Variants in KIF26B observed in about 807,000 individuals in gnomAD.
KIF26B encodes kinesin-like protein KIF26B.
In KIF26B, 63 loss-of-function variants were observed where a neutral mutation model predicts 151.2. The observed-to-expected ratio is 0.42, with a 90% CI of 0.34 to 0.51. The LOEUF (loss-of-function observed/expected upper bound fraction) is 0.51. Among genes scored for constraint, KIF26B ranks in the 20% least tolerant of loss-of-function variants. KIF26B has a pLI of 0.07. For missense variants in KIF26B, 2,813 were observed against 2,913.6 expected (o/e 0.97, Z 0.79); for synonymous variants, 1,357 against 1,262.1 (o/e 1.08, Z -1.59).
At chr1:245,465,201 A>G (rs1486650222) in intron 4 of KIF26B, among the ~76,000 whole-genome samples, 1 of 152,124 alleles carries the variant, frequency 6.6e-6, no homozygotes, top group Non-Finnish European at 1.5e-5. Context: ...GATGGTCTCC[A>G]TCTCCTGACC....
chr1:245,179,310 G>A (rs896803922), intron 2 of KIF26B, among the ~76,000 whole-genome samples: 9 of 152,178 alleles, frequency 5.9e-5, no homozygotes, highest in African/African-American at 2.2e-4. Flanking sequence ...CACTTTCTCT[G>A]TGTTAAATAC....
At chr1:245,393,620 G>A (rs2103023534) in intron 3 of KIF26B, among the ~76,000 whole-genome samples, 1 of 152,308 alleles carries the variant, frequency 6.6e-6, no homozygotes, top group East Asian at 1.9e-4. Flanking sequence ...GTGGTGACTT[G>A]AAGAAGCCAT....
rs895721839 is a variant in KIF26B at position 245,560,688 on chromosome 1, C to T, written c.1350+19738C>T. Among the ~76,000 whole-genome samples, 1 of 152,152 alleles carries T rather than the reference C, an allele frequency of 6.6e-6. No individual in the cohort carries two copies. Among genetic ancestry groups the T allele is most frequent in the Non-Finnish European group, 1.5e-5 (1 of 68,018 alleles). ...CAAACCTGTCAACCTGTCAGTCTCT[C>T]CCCTCTCACGGAAGCCTGACATGTA... On this transcript the variant is annotated intron_variant, in intron 5 of 14. Coordinates refer to ENST00000407071, the MANE Select transcript of KIF26B (RefSeq NM_018012.4). This position sits in a 1 kb window ranked among gnomAD's most constrained non-coding sequence, Gnocchi z 4.3.
chr1:245,258,750 G>C (rs918404128), intron 2 of KIF26B, among the ~76,000 whole-genome samples: 17 of 151,968 alleles, frequency 1.1e-4, no homozygotes, highest in African/African-American at 3.4e-4. Flanking sequence ...CAGCATGGTG[G>C]GGGGGCATGA....
chr1:245,471,577 CAAT>C (rs774157874), intron 4 of KIF26B, among the ~76,000 whole-genome samples: 4 of 152,104 alleles, frequency 2.6e-5, no homozygotes, highest in Admixed American at 6.5e-5. Flanking sequence ...TTTTACTGCA[CAAT>C]AATATGTTCT....
chr1:245,158,669 C>T (rs778319382), intron 2 of KIF26B, among the ~76,000 whole-genome samples: 17 of 152,172 alleles, frequency 1.1e-4, no homozygotes, highest in Non-Finnish European at 1.9e-4. Flanking sequence ...GTACCACAGT[C>T]GCCTGAGTTT....
At chr1:245,631,367 G>A (rs534989237) in intron 9 of KIF26B, among the ~76,000 whole-genome samples, 43 of 152,244 alleles carry the variant, frequency 2.8e-4, no homozygotes, top group African/African-American at 1.0e-3. Context: ...TATTTTTCCT[G>A]TGTCTATTGA....
intron 2 of KIF26B, among the ~76,000 whole-genome samples, chr1:245,230,636 G>A (rs904693817): frequency 5.9e-5 from 9 of 151,590 alleles, no homozygotes; most frequent in Admixed American, 3.9e-4. Context: ...CCAGCTACTC[G>A]GGAGGATGAG....
intron 3 of KIF26B, among the ~76,000 whole-genome samples, chr1:245,386,785 G>C (rs1297551377): frequency 1.3e-5 from 2 of 152,178 alleles, no homozygotes; most frequent in Admixed American, 1.3e-4. Flanking sequence ...CTTGGGGGGA[G>C]AAAAACAGTG....
chr1:245,591,481 C>A (rs187683807), intron 5 of KIF26B, among the ~76,000 whole-genome samples: 88 of 152,296 alleles, frequency 5.8e-4, no homozygotes, highest in African/African-American at 2.0e-3. Context: ...GTTAAACACT[C>A]GTGCATGGAC....
Position 245,556,224 on chromosome 1 carries a change from CTCTTCT to C in KIF26B, c.1350+15286_1350+15291del, listed in dbSNP as rs557892036. Among the ~76,000 whole-genome samples the C allele has an allele frequency of 1.3e-4, 20 of 150,282 alleles. No homozygotes were observed. The South Asian group carries it at 4.0e-3, about 30-fold the overall frequency. On this transcript the variant is annotated intron_variant, in intron 5 of 14. Coordinates refer to ENST00000407071, the MANE Select transcript of KIF26B (RefSeq NM_018012.4). The stretch of plus-strand genomic sequence containing the variant: ...CAATCTCTTCTTCTTCCTCCTCCTC[CTCTTCT>C]TCTTCTTCTTCCTCCTTCTTCCTCC...
chr1:245,688,981 G>A (rs1299811851), intron 12 of KIF26B, among the ~76,000 whole-genome samples, 174 bp downstream of exon 12: 1 of 151,860 alleles, frequency 6.6e-6, no homozygotes, highest in South Asian at 2.1e-4. Context: ...GCCCTGGGGA[G>A]GGGGCGTCCA....
chr1:245,362,992 C>T (rs1358999683), intron 2 of KIF26B, among the ~76,000 whole-genome samples: 1 of 152,144 alleles, frequency 6.6e-6, no homozygotes, highest in Non-Finnish European at 1.5e-5. Context: ...TATCTCTGAT[C>T]CAGGATGGAT....
rs1014332812 is a variant in KIF26B, at chr1:245,650,067, G to A, written c.2258+3787G>A. 4.6e-5 allele frequency among the ~76,000 whole-genome samples: 7 copies of A among 152,288 alleles called. No homozygotes were observed. In the East Asian group the frequency reaches 1.4e-3, roughly 29 times the overall value. On this transcript the variant is annotated intron_variant, in intron 10 of 14. Coordinates refer to ENST00000407071, the MANE Select transcript of KIF26B (RefSeq NM_018012.4). ...CGGCCAGTCCAGGCGCCATAAATCA[G>A]TTCTCAACGGTGGCACCATTCAGAA...
chr1:245,614,463 G>A (rs868083769), intron 9 of KIF26B, among the ~76,000 whole-genome samples: 1 of 152,324 alleles, frequency 6.6e-6, no homozygotes, highest in Middle Eastern at 3.4e-3. Context: ...GTGAGCCACC[G>A]CACCTGGCCT....
chr1:245,654,513 T>G (rs2044053144), intron 10 of KIF26B, among the ~76,000 whole-genome samples: 1 of 152,122 alleles, frequency 6.6e-6, no homozygotes, highest in Admixed American at 6.6e-5. Flanking sequence ...CTTCACCCTA[T>G]TTCATGAGCC....
intron 9 of KIF26B, among the ~76,000 whole-genome samples, chr1:245,640,127 C>CTCTCTCTCTCTCTCTA (rs2043875008): frequency 2.5e-5 from 1 of 39,342 alleles, no homozygotes; most frequent in Non-Finnish European, 5.0e-5. Flanking sequence ...TATTTGCTCT[C>CTCTCTCTCTCTCTCTA]TCTCTCTCTC....
intron 4 of KIF26B, among the ~76,000 whole-genome samples, chr1:245,497,998 T>C (rs1218624265): frequency 6.6e-6 from 1 of 152,260 alleles, no homozygotes; most frequent in Non-Finnish European, 1.5e-5. Context: ...TGCCTTGGCC[T>C]CCCAAAGTGC....
At chr1:245,340,720 C>G (rs1416366970) in intron 2 of KIF26B, among the ~76,000 whole-genome samples, 5 of 152,158 alleles carry the variant, frequency 3.3e-5, no homozygotes, top group Non-Finnish European at 5.9e-5. Flanking sequence ...CATTCAACAA[C>G]TCTTTATCTA....
Sources: allele counts gnomAD v4.1 joint callset (sites outside exome capture counted in the v4.1 genomes callset), GRCh38; gene constraint gnomAD v4.1.1; non-coding constraint Gnocchi (gnomAD v3.1); transcripts MANE v1.5; gene names NCBI Gene and HGNC (gene_info 2026-07-23, HGNC 2026-07-21).